The following PRPSAP2 variants were observed in gnomAD, a reference collection of about 807,000 sequenced individuals.
PRPSAP2 encodes phosphoribosyl pyrophosphate synthetase associated protein 2.
A neutral mutation model predicts 40.6 loss-of-function variants in PRPSAP2; 24 were observed. The ratio of observed to expected loss-of-function variants is 0.59; its 90% CI spans 0.43 to 0.83. The LOEUF is 0.83. Ranked by LOEUF, PRPSAP2 falls within the 40% of genes least tolerant of loss-of-function variation. The pLI is 0.00. For missense variants in PRPSAP2, 292 were observed against 465.6 expected (o/e 0.63, Z 3.43); for synonymous variants, 149 against 164.7 (o/e 0.90, Z 0.73).
chr17:18,870,489 TATG>T (rs911830667), intron 4 of PRPSAP2, among the ~76,000 whole-genome samples: 2 of 151,838 alleles, frequency 1.3e-5, no homozygotes, highest in East Asian at 3.9e-4. Flanking sequence ...CCTAAATAAA[TATG>T]ATACCATTAT....
At chr17:18,889,931 G>A (rs61530127) in intron 8 of PRPSAP2, 54 bp downstream of exon 8, 15 of 1,524,230 alleles carry the variant, frequency 9.8e-6, no homozygotes, top group South Asian at 2.3e-5. Context: ...GATTGTATCC[G>A]TGATGAGTTC....
intron 9 of PRPSAP2, among the ~76,000 whole-genome samples, chr17:18,922,910 G>A (rs190316222): frequency 6.6e-6 from 1 of 151,228 alleles, no homozygotes; most frequent in Admixed American, 6.6e-5. Context: ...CCTGAACTCA[G>A]GCAGGCAATC....
At chr17:18,925,605 C>T (rs1353228397) in intron 10 of PRPSAP2, among the ~76,000 whole-genome samples, 1 of 152,180 alleles carries the variant, frequency 6.6e-6, no homozygotes, top group African/African-American at 2.4e-5. Flanking sequence ...CTGCTTTGAA[C>T]ATCCTCGTGC....
At chr17:18,875,916 C>G (rs903846925) in intron 5 of PRPSAP2, among the ~76,000 whole-genome samples, 1 of 150,828 alleles carries the variant, frequency 6.6e-6, no homozygotes, top group African/African-American at 2.4e-5. Flanking sequence ...TGCAGATCAC[C>G]TGAGGTCGGG....
chr17:18,913,156 G>T (rs2041065820), intron 9 of PRPSAP2, among the ~76,000 whole-genome samples: 1 of 152,210 alleles, frequency 6.6e-6, no homozygotes, highest in Admixed American at 6.5e-5. Context: ...CATTGCCCTA[G>T]TGGGGTCTCT....
At chr17:18,866,037 T>A in intron 3 of PRPSAP2, 85 bp downstream of exon 3, 3 of 934,954 alleles carry the variant, frequency 3.2e-6, no homozygotes, top group Non-Finnish European at 4.2e-6. Context: ...ATTGTTAAAT[T>A]TGAAAGCAGA....
At chr17:18,885,260 G>A (rs2039046894) in intron 7 of PRPSAP2, among the ~76,000 whole-genome samples, 1 of 151,752 alleles carries the variant, frequency 6.6e-6, no homozygotes, top group African/African-American at 2.4e-5. Flanking sequence ...AATTAACCAG[G>A]TGTGGTGGTG....
At chr17:18,928,515 G>A in intron 10 of PRPSAP2, 1 of 393,006 alleles carries the variant, frequency 2.5e-6, no homozygotes, top group East Asian at 6.0e-5. Context: ...CATTGTGACA[G>A]CACAATGTTG....
chr17:18,878,363 A>G (rs1160940791), intron 6 of PRPSAP2, among the ~76,000 whole-genome samples: 2 of 151,826 alleles, frequency 1.3e-5, no homozygotes. Context: ...AACTATGGAC[A>G]TATACCACCG....
intron 8 of PRPSAP2, among the ~76,000 whole-genome samples, chr17:18,897,093 CCACAGG>C (rs1055047327): frequency 3.3e-5 from 5 of 152,050 alleles, no homozygotes; most frequent in African/African-American, 1.2e-4. Flanking sequence ...GTAGCTGAGA[CCACAGG>C]CATGCAGCAC....
chr17:18,872,828 A>T (rs1267736460), intron 5 of PRPSAP2, among the ~76,000 whole-genome samples, 179 bp downstream of exon 5: 1 of 151,708 alleles, frequency 6.6e-6, no homozygotes, highest in African/African-American at 2.4e-5. Flanking sequence ...ATGTTCTTTC[A>T]GTGTTTTTCC....
intron 9 of PRPSAP2, among the ~76,000 whole-genome samples, chr17:18,923,348 C>T (rs968645610): frequency 6.0e-5 from 9 of 150,568 alleles, no homozygotes; most frequent in South Asian, 2.1e-4. Flanking sequence ...CCTCGTGATC[C>T]GCCCGCCTCA....
intron 8 of PRPSAP2, among the ~76,000 whole-genome samples, chr17:18,891,665 A>G (rs1372344539): frequency 6.6e-6 from 1 of 152,194 alleles, no homozygotes; most frequent in African/African-American, 2.4e-5. Context: ...TGTAACCACC[A>G]CCTGTCTCTG....
chr17:18,881,875 C>T (rs953700459), intron 6 of PRPSAP2, among the ~76,000 whole-genome samples: 1 of 129,138 alleles, frequency 7.7e-6, no homozygotes, highest in Admixed American at 8.9e-5. Context: ...GAGTCTTGCT[C>T]TGTCACCCAG....
chr17:18,917,581 ATTATTTTTTTTTT>A (rs2041423474), intron 9 of PRPSAP2: 1 of 36,168 alleles, frequency 2.8e-5, no homozygotes, highest in African/African-American at 1.3e-4. Flanking sequence ...TATTATTATT[ATTATTTTTTTTTT>A]TTTTTTTTTT....
intron 10 of PRPSAP2, among the ~76,000 whole-genome samples, chr17:18,925,401 G>T (rs778380520): frequency 1.2e-4 from 19 of 152,164 alleles, no homozygotes; most frequent in Non-Finnish European, 2.2e-4. Context: ...AGGGCTTGTG[G>T]CCTTAAATGC....
At chr17:18,882,167 T>A (rs2038805597) in intron 6 of PRPSAP2, among the ~76,000 whole-genome samples, 1 of 152,094 alleles carries the variant, frequency 6.6e-6, no homozygotes, top group South Asian at 2.1e-4. Flanking sequence ...AGTAACTTAT[T>A]GTATATAGTA....
chr17:18,901,787 CT>C (rs992879325), intron 8 of PRPSAP2, among the ~76,000 whole-genome samples: 10 of 151,772 alleles, frequency 6.6e-5, no homozygotes, highest in African/African-American at 1.7e-4. Context: ...TGTTTTGATA[CT>C]TTTTTTTCCT....
At chr17:18,883,319 T>A (rs1308528894) in intron 7 of PRPSAP2, among the ~76,000 whole-genome samples, 6 of 152,176 alleles carry the variant, frequency 3.9e-5, no homozygotes, top group African/African-American at 1.4e-4. Context: ...TGAGTTAGCA[T>A]TTTTGTGACT....
Sources: allele counts gnomAD v4.1 joint callset (sites outside exome capture counted in the v4.1 genomes callset), GRCh38; gene constraint gnomAD v4.1.1; transcripts MANE v1.5; gene names NCBI Gene and HGNC (gene_info 2026-07-23, HGNC 2026-07-21).